Variants in ATP13A4 observed in about 807,000 individuals in gnomAD.
ATP13A4 encodes probable cation-transporting ATPase 13A4.
A neutral mutation model predicts 142.5 loss-of-function variants in ATP13A4; 114 were observed. The observed-to-expected ratio is 0.80, with a 90% CI of 0.69 to 0.93. The LOEUF is 0.93. Among genes scored for constraint, ATP13A4 ranks in the 40% least tolerant of loss-of-function variants. The probability of loss-of-function intolerance (pLI) is 0.00; values close to 1 mark genes in which losing one functional copy is unlikely to be tolerated. For synonymous variants in ATP13A4, 488 were observed against 514.8 expected (o/e 0.95, Z 0.70); for missense variants, 1,392 against 1,454.0 (o/e 0.96, Z 0.69).
chr3:193,433,853 C>T lies in ATP13A4; in HGVS notation c.2834G>A (p.Gly945Asp), dbSNP rs149108771. The change falls in exon 25 of 30, where the codon GGT becomes GAT. Residue 945 changes from glycine (G) to aspartate (D), a missense_variant. By Grantham distance (94) the Gly-to-Asp change is moderately conservative. Coordinates refer to ENST00000342695, the MANE Select transcript of ATP13A4 (RefSeq NM_032279.4). ...GTTTTAAAATGTCTTACTTGTTACA[C>T]CAATAAGAGTTGTAATGGCCAGATC... is the stretch of plus-strand genomic sequence containing the variant. The part of the protein sequence containing the change: ...FQDLAITTLI[G>D]VTMNLNGAYP... 2 of 1,612,732 alleles carry T rather than the reference C, an allele frequency of 1.2e-6. No individual in the cohort carries two copies. Among genetic ancestry groups the T allele is most frequent in the African/African-American group, 2.7e-5 (2 of 74,964 alleles).
intron 17 of ATP13A4, among the ~76,000 whole-genome samples, chr3:193,451,637 AATG>A (rs1293968550): frequency 6.6e-6 from 1 of 152,202 alleles, no homozygotes; most frequent in East Asian, 1.9e-4. Flanking sequence ...AATAATAAAG[AATG>A]ATAAGTGTAA....
chr3:193,431,765 A>G (rs1715990273), intron 25 of ATP13A4, among the ~76,000 whole-genome samples: 1 of 143,056 alleles, frequency 7.0e-6, no homozygotes, highest in Non-Finnish European at 1.6e-5. Flanking sequence ...TTTCCCATAT[A>G]TATATATGTT....
At chr3:193,571,774 C>T (rs1226656701) in intron 2 of ATP13A4, among the ~76,000 whole-genome samples, 1 of 151,906 alleles carries the variant, frequency 6.6e-6, no homozygotes, top group Admixed American at 6.6e-5. Context: ...CTAGGTGAGC[C>T]TAAGGAGACA....
intron 17 of ATP13A4, among the ~76,000 whole-genome samples, chr3:193,448,885 G>A (rs561430595): frequency 9.5e-4 from 145 of 152,236 alleles, no homozygotes; most frequent in African/African-American, 3.4e-3. Flanking sequence ...AGCCTGTAAG[G>A]GTCTCCTCCA....
chr3:193,531,640 T>C (rs182090110), intron 1 of ATP13A4, among the ~76,000 whole-genome samples: 26 of 152,304 alleles, frequency 1.7e-4, no homozygotes, highest in Admixed American at 3.9e-4. Context: ...TTGACATGGT[T>C]TGGCTATTGT....
At chr3:193,413,350 T>C (rs1181158966) in intron 26 of ATP13A4, among the ~76,000 whole-genome samples, 4 of 152,200 alleles carry the variant, frequency 2.6e-5, no homozygotes, top group Admixed American at 2.0e-4. Flanking sequence ...TACAAATTGA[T>C]TGTAAAACAT....
chr3:193,471,321 T>C (rs1263363944), intron 8 of ATP13A4, among the ~76,000 whole-genome samples: 1 of 152,092 alleles, frequency 6.6e-6, no homozygotes, highest in African/African-American at 2.4e-5. Flanking sequence ...CCAGCACTTT[T>C]GGAGCCCAAT....
At chr3:193,497,848 T>C (rs1012575293) in intron 3 of ATP13A4, among the ~76,000 whole-genome samples, 3 of 152,156 alleles carry the variant, frequency 2.0e-5, no homozygotes, top group African/African-American at 4.8e-5. Context: ...CTTACTCATT[T>C]GTGAAATCTA....
At chr3:193,549,762 G>A (rs969620922) in intron 1 of ATP13A4, among the ~76,000 whole-genome samples, 5 of 152,154 alleles carry the variant, frequency 3.3e-5, no homozygotes, top group Non-Finnish European at 7.3e-5. Flanking sequence ...TGCCTGGGAG[G>A]TTGAGGGTGC....
intron 8 of ATP13A4, among the ~76,000 whole-genome samples, chr3:193,474,715 A>C (rs960327911): frequency 9.0e-6 from 1 of 111,580 alleles, no homozygotes; most frequent in Non-Finnish European, 1.9e-5. Context: ...GGAAGGAAAG[A>C]GAGAGAGAAA....
At chr3:193,561,003 G>A (rs929714779) in intron 2 of ATP13A4, among the ~76,000 whole-genome samples, 1 of 152,144 alleles carries the variant, frequency 6.6e-6, no homozygotes, top group South Asian at 2.1e-4. Context: ...CAGAAACCTC[G>A]GGCCTGAGGC....
At position 193,439,826 on chromosome 3, in the gene ATP13A4, G is replaced by A. The variant is rs1716517379; in HGVS notation, c.2519+732C>T. Reference sequence around the variant, plus strand: ...CGTTGACTCTCTAGGTTTCAGCCATGTTGAGAAGATAGGGCTTTCTGAGCT... The same window carrying A: ...CGTTGACTCTCTAGGTTTCAGCCATATTGAGAAGATAGGGCTTTCTGAGCT... On this transcript the variant is annotated intron_variant, in intron 21 of 29. Coordinates refer to ENST00000342695, the MANE Select transcript of ATP13A4 (RefSeq NM_032279.4). Among the ~76,000 whole-genome samples the A allele has an allele frequency of 5.3e-5, 8 of 152,194 alleles. No individual in the cohort carries two copies. The South Asian group carries it at 1.7e-3, about 32-fold the overall frequency.
intron 25 of ATP13A4, among the ~76,000 whole-genome samples, chr3:193,419,395 G>A (rs990298738): frequency 6.7e-6 from 1 of 150,162 alleles, no homozygotes; most frequent in Non-Finnish European, 1.5e-5. Context: ...AGTTGCTGCT[G>A]CCCCTGCCCC....
At chr3:193,584,217 G>A (rs1398362086) in intron 1 of ATP13A4, among the ~76,000 whole-genome samples, 1 of 152,126 alleles carries the variant, frequency 6.6e-6, no homozygotes, top group South Asian at 2.1e-4. Context: ...CAAATCACAC[G>A]GATGCTTACA....
intron 21 of ATP13A4, 51 bp from the exon 22 acceptor site, chr3:193,439,116 T>A (rs762697306): frequency 6.6e-7 from 1 of 1,517,406 alleles, no homozygotes; most frequent in South Asian, 1.1e-5. Flanking sequence ...ATCTTGCTAA[T>A]TTCTCTAATT....
At chr3:193,404,021 G>A (rs1714373758) in intron 29 of ATP13A4, 1 of 985,268 alleles carries the variant, frequency 1.0e-6, no homozygotes, top group South Asian at 4.7e-5. Context: ...TGTGATAACT[G>A]ACCATCTGCT....
chr3:193,432,927 A>G (rs1270938959), intron 25 of ATP13A4, among the ~76,000 whole-genome samples: 3 of 152,132 alleles, frequency 2.0e-5, no homozygotes, highest in African/African-American at 7.2e-5. Context: ...AACCCATAAA[A>G]TGTGCAAGAC....
chr3:193,481,819 T>C (rs1267295312), intron 8 of ATP13A4, among the ~76,000 whole-genome samples: 2 of 152,206 alleles, frequency 1.3e-5, no homozygotes, highest in South Asian at 4.1e-4. Flanking sequence ...GTACATTTCA[T>C]ATTAGTACTG....
Position 193,458,388 on chromosome 3 carries a change from G to A in ATP13A4, c.1674+693C>T, listed in dbSNP as rs544381330. Among the ~76,000 whole-genome samples, 19 of 152,254 alleles carry A rather than the reference G, an allele frequency of 1.2e-4. No individual in the cohort carries two copies. The East Asian group carries it at 1.5e-3, about 12-fold the overall frequency. On this transcript the variant is annotated intron_variant, in intron 14 of 29. Coordinates refer to ENST00000342695, the MANE Select transcript of ATP13A4 (RefSeq NM_032279.4). The stretch of plus-strand genomic sequence containing the variant: ...GAGAAGATTCCAGATTGTTTGTCTT[G>A]TTTTGTGTTATGTGAACACCACTGG...
Sources: allele counts gnomAD v4.1 joint callset (sites outside exome capture counted in the v4.1 genomes callset), GRCh38; gene constraint gnomAD v4.1.1; transcripts MANE v1.5; gene names NCBI Gene and HGNC (gene_info 2026-07-23, HGNC 2026-07-21).